The following ANKRD28 variants were observed in gnomAD, a reference collection of about 807,000 sequenced individuals.
ANKRD28 encodes serine/threonine-protein phosphatase 6 regulatory ankyrin repeat subunit A.
ANKRD28 carries 44 observed loss-of-function variants against 126.5 expected under a neutral mutation model. The observed-to-expected ratio is 0.35, with a 90% CI of 0.27 to 0.45. The LOEUF (loss-of-function observed/expected upper bound fraction) is 0.45, where lower values mean the gene tolerates loss of function less well. ANKRD28 is among the 20% of genes least tolerant of loss of function. ANKRD28 has a pLI of 1.00. For synonymous variants in ANKRD28, 442 were observed against 468.5 expected (o/e 0.94, Z 0.73); for missense variants, 1,110 against 1,316.6 (o/e 0.84, Z 2.43).
At chr3:15,712,333 G>A (rs1354246385) in intron 10 of ANKRD28, 111 bp from the exon 11 acceptor site, 3 of 821,344 alleles carry the variant, frequency 3.7e-6, no homozygotes, top group Non-Finnish European at 5.9e-6. Context: ...GAGCCAAAAT[G>A]TCTAACACTT....
chr3:15,704,607 C>A (rs2071100831), intron 14 of ANKRD28, among the ~76,000 whole-genome samples: 1 of 152,124 alleles, frequency 6.6e-6, no homozygotes, highest in Admixed American at 6.5e-5. Flanking sequence ...TTCATTGTTG[C>A]TTTGGCAGAA....
intron 2 of ANKRD28, among the ~76,000 whole-genome samples, chr3:15,777,869 C>CACACAT (rs1453384835): frequency 6.7e-6 from 1 of 149,910 alleles, no homozygotes; most frequent in Non-Finnish European, 1.5e-5. Flanking sequence ...CACACACACA[C>CACACAT]ACACACACAC....
Position 15,679,711 on chromosome 3 carries a change from G to A in ANKRD28, c.2390-148C>T, listed in dbSNP as rs750768458. On this transcript the variant is annotated intron_variant, in intron 21 of 27. Coordinates refer to ENST00000683139, the MANE Select transcript of ANKRD28 (RefSeq NM_001349278.2). ...CCTCTCTGGAATATAACCATTGGTA[G>A]CTGTTAAGCCACCAGTAGTTCCTGA... The A allele has an allele frequency of 1.5e-4, 102 of 658,302 alleles. No individual in the cohort carries two copies. The Middle Eastern group carries it at 1.7e-3, about 11-fold the overall frequency. The allele number at this position is 658,302 out of a possible 1,614,324, so 40.8% of individuals were successfully genotyped here.
At chr3:15,744,417 G>A (rs1026641243) in intron 4 of ANKRD28, among the ~76,000 whole-genome samples, 3 of 150,970 alleles carry the variant, frequency 2.0e-5, no homozygotes, top group Non-Finnish European at 1.5e-5. Flanking sequence ...AGGTTCAAGC[G>A]ATCCTCCTCA....
chr3:15,670,592 C>A lies in ANKRD28; in HGVS notation c.2966-36G>T, dbSNP rs547577444. The stretch of plus-strand genomic sequence containing the variant: ...AGATAAAATTTAAAAATTAAGCATC[C>A]TGAGATGTATTTCACCAAAGACAAG... On this transcript the variant is annotated intron_variant, in intron 27 of 27. Coordinates refer to ENST00000683139, the MANE Select transcript of ANKRD28 (RefSeq NM_001349278.2). 6 of 1,583,060 alleles carry A rather than the reference C, an allele frequency of 3.8e-6. No individual in the cohort carries two copies. In the South Asian group the frequency reaches 6.9e-5, roughly 18 times the overall value.
In ANKRD28 at chr3:15,670,224, GCA is replaced by G. The variant is rs764275524; in HGVS notation, c.*44_*45del. ...ATCAAAGTGCCTTTTTCCTGAAAAAGCACAGTTTGAAGCTTTACTGTGAGAAC... is the reference window on the plus strand; with the variant it reads ...ATCAAAGTGCCTTTTTCCTGAAAAAGCAGTTTGAAGCTTTACTGTGAGAAC... On this transcript the variant is annotated 3_prime_UTR_variant, in exon 28 of 28. Coordinates refer to ENST00000683139, the MANE Select transcript of ANKRD28 (RefSeq NM_001349278.2). 8.9e-6 allele frequency: 14 copies of G among 1,576,172 alleles called. No homozygotes were observed. Among genetic ancestry groups the G allele is most frequent in the South Asian group, 3.5e-5 (3 of 86,470 alleles).
chr3:15,783,271 T>C (rs1013059860), intron 2 of ANKRD28, among the ~76,000 whole-genome samples: 20 of 151,802 alleles, frequency 1.3e-4, no homozygotes, highest in African/African-American at 2.2e-4. Context: ...CAAAGATAAA[T>C]GGACTGACAA....
rs746583059 is a variant in ANKRD28 at position 15,708,087 on chromosome 3, A to C, written c.1407-23T>G. The stretch of plus-strand genomic sequence containing the variant: ...GATCTTTTGGGTCCAAGTTAATACA[A>C]GAAAGATAAAAGCCAGAGACATAAC... On this transcript the variant is annotated intron_variant, in intron 13 of 27. Transcript: ENST00000683139. 7.6e-6 allele frequency: 12 copies of C among 1,581,794 alleles called. No homozygotes were observed. The East Asian group carries it at 2.7e-4, about 36-fold the overall frequency.
chr3:15,841,219 C>T (rs1057148704), intron 1 of ANKRD28, among the ~76,000 whole-genome samples: 1 of 152,138 alleles, frequency 6.6e-6, no homozygotes, highest in Non-Finnish European at 1.5e-5. Context: ...GACTTAAATC[C>T]AAGACCTCAA....
chr3:15,786,032 G>C (rs2059764059), intron 2 of ANKRD28, among the ~76,000 whole-genome samples: 1 of 152,012 alleles, frequency 6.6e-6, no homozygotes, highest in Non-Finnish European at 1.5e-5. Flanking sequence ...GGGACTGGGG[G>C]GAAGAACGAA....
At chr3:15,688,699 G>A (rs908841819) in intron 18 of ANKRD28, among the ~76,000 whole-genome samples, 6 of 152,190 alleles carry the variant, frequency 3.9e-5, no homozygotes, top group African/African-American at 1.4e-4. Flanking sequence ...GTATTCTTAA[G>A]GATCACTCTA....
rs1335577669 is a variant in ANKRD28 at position 15,845,191 on chromosome 3, A to G, written c.27+14186T>C. Among the ~76,000 whole-genome samples, 1 of 152,246 alleles carries G rather than the reference A, an allele frequency of 6.6e-6. No homozygotes were observed. Among genetic ancestry groups the G allele is most frequent in the Non-Finnish European group, 1.5e-5 (1 of 68,050 alleles). On this transcript the variant is annotated intron_variant, in intron 1 of 27. Coordinates refer to the ANKRD28 transcript ENST00000399451. The surrounding 1 kb of genome is among the most constrained non-coding windows in gnomAD (Gnocchi z 4.9). The stretch of plus-strand genomic sequence containing the variant: ...AGATTTAGGCACACAAATCCAAACC[A>G]TATCACTATTTTAAAAATAACTTAC...
In ANKRD28 at chr3:15,816,252, T is replaced by C. The variant is rs1413663681; in HGVS notation, c.28-20946A>G. On this transcript the variant is annotated intron_variant, in intron 1 of 27. Transcript: ENST00000399451. The surrounding 1 kb of genome is among the most constrained non-coding windows in gnomAD (Gnocchi z 5.0). ...TTTTCTTACTTTAACCAAATCCACC[T>C]AGCCTAGCCTCCTACCTCCACAAAT... 6.6e-6 allele frequency among the ~76,000 whole-genome samples: 1 copy of C among 152,230 alleles called. No homozygotes were observed. Among genetic ancestry groups the C allele is most frequent in the South Asian group, 2.1e-4 (1 of 4,828 alleles).
intron 1 of ANKRD28, among the ~76,000 whole-genome samples, chr3:15,849,189 T>C (rs745872852): frequency 3.9e-5 from 6 of 152,216 alleles, no homozygotes; most frequent in Admixed American, 3.3e-4. Flanking sequence ...CCCATGTTCA[T>C]GGAAAGACTA....
At chr3:15,742,106 A>G (rs1355446347) in intron 4 of ANKRD28, among the ~76,000 whole-genome samples, 4 of 152,026 alleles carry the variant, frequency 2.6e-5, no homozygotes, top group Admixed American at 6.5e-5. Flanking sequence ...CCTCCCAGCC[A>G]CCTGCCTTGG....
intron 1 of ANKRD28, among the ~76,000 whole-genome samples, chr3:15,852,142 T>C (rs889254245): frequency 2.0e-5 from 3 of 152,038 alleles, no homozygotes; most frequent in African/African-American, 7.2e-5. Context: ...TTGCACAGTT[T>C]TGTGAATATA....
intron 1 of ANKRD28, among the ~76,000 whole-genome samples, chr3:15,810,944 C>G (rs2060698786): frequency 6.6e-6 from 1 of 152,138 alleles, no homozygotes; most frequent in Admixed American, 6.5e-5. Flanking sequence ...AAAGGCAAAC[C>G]AAGCCTACTG....
upstream of ANKRD28, among the ~76,000 whole-genome samples, chr3:15,801,560 G>C (rs1216285534): frequency 1.3e-5 from 2 of 152,154 alleles, no homozygotes; most frequent in African/African-American, 4.8e-5. This position sits in a 1 kb window ranked among gnomAD's most constrained non-coding sequence, Gnocchi z 4.9. Context: ...ATTTCTGACA[G>C]ATCAAGAATC....
upstream of ANKRD28, chr3:15,798,240 A>C (rs1405682475): frequency 1.1e-6 from 1 of 871,840 alleles, no homozygotes; most frequent in Non-Finnish European, 1.4e-6. Context: ...GTGTTACAAT[A>C]AAGCAAATGT....
Sources: gnomAD v4.1 joint callset for allele counts (sites outside exome capture counted in the v4.1 genomes callset) on GRCh38, gnomAD v4.1.1 for gene constraint, Gnocchi (gnomAD v3.1) non-coding constraint, MANE v1.5 for transcripts, NCBI Gene and HGNC (gene_info 2026-07-23, HGNC 2026-07-21) for gene names.